Variants in CERT1 observed in about 807,000 individuals in gnomAD.
CERT1 encodes the protein ceramide transfer protein.
CERT1 carries 31 observed loss-of-function variants against 87.9 expected under a neutral mutation model. That is an observed-to-expected ratio of 0.35 (90% CI 0.27 to 0.48). CERT1 has a LOEUF of 0.48. CERT1 is among the 20% of genes least tolerant of loss of function. CERT1 has a pLI of 0.99. For synonymous variants in CERT1, 289 were observed against 250.9 expected, an observed-to-expected ratio of 1.15 and a Z score of -1.44; for missense variants, 487 against 758.0, an observed-to-expected ratio of 0.64 and a Z score of 4.20.
chr5:75,498,024 G>A (rs1767156060), intron 2 of CERT1, among the ~76,000 whole-genome samples: 1 of 152,200 alleles, frequency 6.6e-6, no homozygotes. Context: ...GCCTCAGATG[G>A]AGATGCAGAA....
intron 2 of CERT1, among the ~76,000 whole-genome samples, chr5:75,464,475 G>T (rs1765375451): frequency 1.3e-5 from 2 of 152,162 alleles, no homozygotes; most frequent in African/African-American, 2.4e-5. Flanking sequence ...AGCAGATAAA[G>T]AAAAGTCTTC....
chr5:75,459,210 C>A (rs774176617), intron 2 of CERT1, 29 bp from the exon 3 acceptor site: 2 of 1,381,740 alleles, frequency 1.4e-6, no homozygotes, highest in South Asian at 2.3e-5. Flanking sequence ...AAATGAAAAG[C>A]AAAGCTAATT....
chr5:75,481,394 G>A (rs116574003), intron 2 of CERT1, among the ~76,000 whole-genome samples: 271 of 152,218 alleles, frequency 1.8e-3, no homozygotes, highest in Non-Finnish European at 2.9e-3. Context: ...AGTTACTATA[G>A]TATATAATTA....
intron 2 of CERT1, among the ~76,000 whole-genome samples, chr5:75,487,277 T>C (rs975470437): frequency 6.6e-6 from 1 of 152,050 alleles, no homozygotes; most frequent in Non-Finnish European, 1.5e-5. Context: ...TGGATATTCA[T>C]AAGCAGAAGA....
intron 11 of CERT1, among the ~76,000 whole-genome samples, chr5:75,398,315 A>G (rs950457742): frequency 6.6e-5 from 10 of 152,206 alleles, no homozygotes; most frequent in East Asian, 1.9e-4. Context: ...AGGAAAAAAT[A>G]ATGATGTAGA....
At chr5:75,438,046 T>C (rs1263896804) in intron 3 of CERT1, among the ~76,000 whole-genome samples, 1 of 152,120 alleles carries the variant, frequency 6.6e-6, no homozygotes, top group African/African-American at 2.4e-5. Context: ...GAGCAATTTA[T>C]TACACAAAAT....
intron 8 of CERT1, among the ~76,000 whole-genome samples, 170 bp from the exon 9 acceptor site, chr5:75,403,228 G>T (rs865892829): frequency 1.1e-4 from 17 of 151,288 alleles, no homozygotes; most frequent in Middle Eastern, 6.8e-3. Context: ...GTAAAATCAC[G>T]AGTGTTACAA....
Position 75,378,512 on chromosome 5 carries a change from A to G in CERT1, c.*834T>C, listed in dbSNP as rs1406707742. Reference sequence around the variant, plus strand: ...GACAGTAAAAATATGGAACCAACTCAGACATTAACATGGGACTAGTTAATA... The same window carrying G: ...GACAGTAAAAATATGGAACCAACTCGGACATTAACATGGGACTAGTTAATA... On this transcript the variant is annotated 3_prime_UTR_variant, in exon 17 of 17. Transcript: ENST00000643780. The G allele has an allele frequency of 1.3e-5, 2 of 152,248 alleles. No homozygotes were observed. Among genetic ancestry groups the G allele is most frequent in the Non-Finnish European group, 2.9e-5 (2 of 68,036 alleles). The allele number at this position is 152,248 out of a possible 1,614,324, so 9.4% of individuals were successfully genotyped here.
At chr5:75,420,341 T>C (rs967267770) in intron 5 of CERT1, among the ~76,000 whole-genome samples, 33 of 148,726 alleles carry the variant, frequency 2.2e-4, no homozygotes, top group African/African-American at 7.7e-4. Flanking sequence ...AGATATGATA[T>C]CGACTGTTTT....
intron 15 of CERT1, 128 bp from the exon 16 acceptor site, chr5:75,381,329 C>T: frequency 9.7e-7 from 1 of 1,035,020 alleles, no homozygotes; most frequent in Non-Finnish European, 1.4e-6. Flanking sequence ...TTATAAGCAC[C>T]AAGCTGATAT....
chr5:75,400,184 TA>T lies in CERT1; in HGVS notation c.1110+20del. On this transcript the variant is annotated intron_variant, in intron 10 of 16. Coordinates refer to ENST00000643780, the MANE Select transcript of CERT1 (RefSeq NM_001379029.1). The stretch of plus-strand genomic sequence containing the variant: ...AGAACAATACAAGGTGTACTTTTAG[TA>T]AACTCTGACATTAGCTTACCTTTTG... The T allele has an allele frequency of 6.7e-7, 1 of 1,496,938 alleles. No homozygotes were observed. The highest frequency in any genetic ancestry group is 9.3e-7 in the Non-Finnish European group (1 of 1,076,260). 92.7% of individuals were successfully genotyped at this position (1,496,938 alleles called of 1,614,324 possible).
intron 2 of CERT1, among the ~76,000 whole-genome samples, chr5:75,487,886 C>T (rs75269514): frequency 0.027 from 4,129 of 152,060 alleles, 121 homozygotes; most frequent in South Asian, 0.1. Flanking sequence ...AAAAAGGATG[C>T]GATCCTGTCA....
At chr5:75,431,777 T>TG (rs1763876939) in intron 3 of CERT1, among the ~76,000 whole-genome samples, 1 of 152,230 alleles carries the variant, frequency 6.6e-6, no homozygotes, top group African/African-American at 2.4e-5. Context: ...TAGTATTCCA[T>TG]GGGGTATATA....
At position 75,448,886 on chromosome 5, in the gene CERT1, C is replaced by T. The variant is rs192982994; in HGVS notation, c.348+10179G>A. Among the ~76,000 whole-genome samples the T allele has an allele frequency of 9.2e-4, 140 of 152,074 alleles. 1 individual carries two copies. The highest frequency in any genetic ancestry group is 1.6e-3 in the Non-Finnish European group (110 of 67,968). ...TTAACCTTTTTTTATAACTTGTTAT[C>T]TAAATAGTTTACAAATTACAGACGA... On this transcript the variant is annotated intron_variant, in intron 3 of 16. Transcript: ENST00000643780.
intron 2 of CERT1, 82 bp from the exon 3 acceptor site, chr5:75,459,263 T>C: frequency 1.3e-6 from 1 of 772,160 alleles, no homozygotes; most frequent in Middle Eastern, 2.3e-4. Flanking sequence ...AACATGAACA[T>C]ACTCATTCTG....
chr5:75,370,802 A>C (rs1761052648), intron 17 of CERT1: 1 of 152,014 alleles, frequency 6.6e-6, no homozygotes, highest in Non-Finnish European at 1.5e-5. Context: ...AAATACAAAA[A>C]TTAGCCGGGC....
intron 2 of CERT1, among the ~76,000 whole-genome samples, chr5:75,477,145 TC>T (rs967192175): frequency 1.3e-5 from 2 of 152,098 alleles, no homozygotes; most frequent in Non-Finnish European, 2.9e-5. Context: ...AATCTTATTT[TC>T]CCCCCTTTAA....
At chr5:75,417,316 TTAACAA>T (rs1159222437) in intron 6 of CERT1, among the ~76,000 whole-genome samples, 1 of 152,150 alleles carries the variant, frequency 6.6e-6, no homozygotes, top group Non-Finnish European at 1.5e-5. Context: ...GAGCAATACT[TTAACAA>T]TAACATTCTG....
At chr5:75,504,325 C>G (rs1055796969) in intron 2 of CERT1, among the ~76,000 whole-genome samples, 1 of 152,038 alleles carries the variant, frequency 6.6e-6, no homozygotes, top group African/African-American at 2.4e-5. Flanking sequence ...AAATACTGAG[C>G]CTTTATGTTA....
Sources: gnomAD v4.1 joint callset for allele counts (sites outside exome capture counted in the v4.1 genomes callset) on GRCh38, gnomAD v4.1.1 for gene constraint, MANE v1.5 for transcripts, NCBI Gene and HGNC (gene_info 2026-07-23, HGNC 2026-07-21) for gene names.